Variants in TRAK1 observed in about 807,000 individuals in gnomAD.
TRAK1 encodes trafficking kinesin protein 1, also known as trafficking kinesin-binding protein 1.
In TRAK1, 33 loss-of-function variants were observed where a neutral mutation model predicts 92.1. The ratio of observed to expected loss-of-function variants is 0.36; its 90% CI spans 0.27 to 0.48. The LOEUF (loss-of-function observed/expected upper bound fraction) is 0.48. Among genes scored for constraint, TRAK1 ranks in the 20% least tolerant of loss-of-function variants. TRAK1 has a pLI of 0.99. For missense variants in TRAK1, 1,123 were observed against 1,257.9 expected (o/e 0.89, Z 1.62); for synonymous variants, 521 against 517.3 (o/e 1.01, Z -0.10).
At chr3:42,160,326 T>G (rs1435621519) in intron 2 of TRAK1, 1 of 1,612,484 alleles carries the variant, frequency 6.2e-7, no homozygotes. Context: ...GGATGGTCCC[T>G]TAGGGTGATG....
chr3:42,050,287 G>A (rs1702929074), intron 1 of TRAK1, among the ~76,000 whole-genome samples: 1 of 152,208 alleles, frequency 6.6e-6, no homozygotes, highest in Non-Finnish European at 1.5e-5. Flanking sequence ...GCCTAAGCTT[G>A]TGTGTTCACT....
Position 42,224,006 on chromosome 3 carries a change from C to G in TRAK1, c.*269C>G. On this transcript the variant is annotated 3_prime_UTR_variant, in exon 16 of 16. Transcript: ENST00000327628. ...TGCACTGTCATCACTCTCACGAGGA[C>G]GTCACCTGTGCTAACCTGGGGGAAG... The G allele has an allele frequency of 1.6e-6, 1 of 616,554 alleles. No homozygotes were observed. The highest frequency in any genetic ancestry group is 3.0e-6 in the Non-Finnish European group (1 of 332,544). 38.2% of individuals were successfully genotyped at this position (616,554 alleles called of 1,614,324 possible). A position where few individuals can be genotyped will look rare whatever the true frequency, so the allele number is the denominator to read the frequency against.
chr3:42,157,365 G>A (rs1452223061), intron 2 of TRAK1, among the ~76,000 whole-genome samples: 1 of 142,218 alleles, frequency 7.0e-6, no homozygotes, highest in Admixed American at 7.5e-5. Context: ...AGGCTGAGGC[G>A]GGAAGATCCC....
intron 1 of TRAK1, among the ~76,000 whole-genome samples, chr3:42,064,561 G>T (rs985558248): frequency 9.2e-5 from 14 of 152,080 alleles, no homozygotes; most frequent in Non-Finnish European, 1.5e-4. Context: ...AATGAATGTT[G>T]CTTCATTATG....
chr3:42,094,366 A>G (rs1705583213), intron 1 of TRAK1, among the ~76,000 whole-genome samples: 1 of 152,110 alleles, frequency 6.6e-6, no homozygotes, highest in Non-Finnish European at 1.5e-5. Flanking sequence ...AACTATCAGG[A>G]GCTGAAACTT....
At position 42,196,396 on chromosome 3, in the gene TRAK1, C is replaced by G. The variant is rs6769560; in HGVS notation, c.1113+1455C>G. Among the ~76,000 whole-genome samples the G allele has an allele frequency of 6.2e-3, 943 of 152,088 alleles. 6 individuals are homozygous for G. The highest frequency in any genetic ancestry group is 0.021 in the African/African-American group (891 of 41,462). On this transcript the variant is annotated intron_variant, in intron 10 of 15. Transcript: ENST00000327628. ...ATCCACAGACGAAATTTGGGGGGGGCCTGTGAAATTAGTTCCTAATTGTAC... is the reference window on the plus strand; with the variant it reads ...ATCCACAGACGAAATTTGGGGGGGGGCTGTGAAATTAGTTCCTAATTGTAC...
At chr3:42,077,042 T>C (rs887441963) in intron 1 of TRAK1, among the ~76,000 whole-genome samples, 3 of 152,246 alleles carry the variant, frequency 2.0e-5, no homozygotes, top group African/African-American at 7.2e-5. Context: ...AGCCTTGTAG[T>C]ATAGTTTGAA....
intron 2 of TRAK1, among the ~76,000 whole-genome samples, chr3:42,134,398 C>G (rs1172962069): frequency 1.3e-5 from 2 of 151,024 alleles, no homozygotes; most frequent in Non-Finnish European, 2.9e-5. Context: ...CTGTCTCAGC[C>G]TCCCGAGTAG....
At chr3:42,092,711 G>GTGTTGTGTTATGTTATGTTA (rs1400587515) in intron 1 of TRAK1, among the ~76,000 whole-genome samples, 1,944 of 100,872 alleles carry the variant, frequency 0.019, 27 homozygotes, top group Non-Finnish European at 0.032. Context: ...GTGTTGTGTT[G>GTGTTGTGTTATGTTATGTTA]TGTTATGTTA....
chr3:42,187,987 C>CG (rs765132608), intron 4 of TRAK1, 58 bp from the exon 5 acceptor site: 102 of 1,424,490 alleles, frequency 7.2e-5, no homozygotes, highest in Non-Finnish European at 8.8e-5. Flanking sequence ...GAATGTGAGT[C>CG]GGGGGGGACA....
intron 2 of TRAK1, among the ~76,000 whole-genome samples, chr3:42,144,410 A>G (rs541356561): frequency 1.3e-5 from 2 of 152,344 alleles, no homozygotes; most frequent in East Asian, 1.9e-4. Context: ...AATGTATTAT[A>G]ATCACCCCCA....
chr3:42,223,394 A>G lies in TRAK1; in HGVS notation c.2519A>G (p.Asn840Ser). The G allele has an allele frequency of 1.2e-6, 2 of 1,614,200 alleles. No homozygotes were observed. Among genetic ancestry groups the G allele is most frequent in the Non-Finnish European group, 1.7e-6 (2 of 1,180,034 alleles). Residue 840 changes from asparagine (N) to serine (S), a missense_variant, in exon 16 of 16, where the codon AAC (asparagine) becomes AGC (serine). Asn to Ser is a conservative substitution (Grantham distance 46). This residue lies in a region of TRAK1 where 401 missense variants were observed against 438.9 expected (regional missense o/e 0.91). Transcript: ENST00000327628. This position sits in a 1 kb window ranked among gnomAD's most constrained non-coding sequence, Gnocchi z 6.1. ...SESQTDVSVS[N>S]LNLVDKVRRF... ...AGCCAGACCGACGTGTCCGTCTCCA[A>G]CCTCAACCTCGTGGACAAAGTCAGG... is the stretch of plus-strand genomic sequence containing the variant.
At chr3:42,171,685 T>A (rs1702577882) in intron 2 of TRAK1, among the ~76,000 whole-genome samples, 1 of 152,086 alleles carries the variant, frequency 6.6e-6, no homozygotes, top group Non-Finnish European at 1.5e-5. Context: ...CCACACCACC[T>A]TTGTTTTCTT....
At chr3:42,022,443 C>T (rs990181233) in intron 1 of TRAK1, among the ~76,000 whole-genome samples, 7 of 152,088 alleles carry the variant, frequency 4.6e-5, no homozygotes, top group African/African-American at 7.2e-5. Flanking sequence ...AATAACTGGC[C>T]GGGTGTAGCA....
chr3:42,045,857 G>A (rs185315775), intron 1 of TRAK1, among the ~76,000 whole-genome samples: 34 of 152,284 alleles, frequency 2.2e-4, no homozygotes, highest in African/African-American at 8.2e-4. Flanking sequence ...TTAGATATCA[G>A]GCTGCTGTGT....
intron 1 of TRAK1, among the ~76,000 whole-genome samples, chr3:42,118,123 G>T (rs752660281): frequency 5.9e-5 from 9 of 151,466 alleles, no homozygotes; most frequent in Non-Finnish European, 1.2e-4. Context: ...TCACTCTGTC[G>T]CCCAGGCTGG....
chr3:42,110,546 C>G (rs1708249162), intron 1 of TRAK1, among the ~76,000 whole-genome samples: 1 of 152,162 alleles, frequency 6.6e-6, no homozygotes, highest in Non-Finnish European at 1.5e-5. Context: ...TGTAAACATT[C>G]ACACTATTCT....
intron 2 of TRAK1, 43 bp downstream of exon 2, chr3:42,125,657 C>G (rs1255492898): frequency 6.3e-7 from 1 of 1,599,192 alleles, no homozygotes; most frequent in Non-Finnish European, 8.6e-7. Context: ...GTATCATGAT[C>G]AGGTCTTCTT....
intron 2 of TRAK1, among the ~76,000 whole-genome samples, chr3:42,136,556 G>A (rs1242846989): frequency 6.6e-6 from 1 of 152,000 alleles, no homozygotes; most frequent in Non-Finnish European, 1.5e-5. Context: ...CCAGGAGTTC[G>A]AGGCTGTAGT....
Sources: allele counts gnomAD v4.1 joint callset (sites outside exome capture counted in the v4.1 genomes callset), GRCh38; gene constraint gnomAD v4.1.1; regional missense constraint gnomAD v4.1.1; non-coding constraint Gnocchi (gnomAD v3.1); transcripts MANE v1.5; gene names NCBI Gene and HGNC (gene_info 2026-07-23, HGNC 2026-07-21).